The following CA12 variants were observed in gnomAD, a reference collection of about 807,000 sequenced individuals.
CA12 encodes the protein carbonic anhydrase 12.
Under a neutral mutation model 46.8 loss-of-function variants are expected in CA12, and 36 were observed. The ratio of observed to expected loss-of-function variants is 0.77; its 90% CI spans 0.59 to 1.02. The LOEUF (loss-of-function observed/expected upper bound fraction) is 1.02. Among genes scored for constraint, CA12 ranks in the 50% least tolerant of loss-of-function variants. The pLI is 0.00. For missense variants in CA12, 436 were observed against 451.4 expected (o/e 0.97, Z 0.31); for synonymous variants, 202 against 187.0 (o/e 1.08, Z -0.65).
chr15:63,335,196 A>T (rs941030715), intron 8 of CA12, among the ~76,000 whole-genome samples: 1 of 152,160 alleles, frequency 6.6e-6, no homozygotes, highest in Non-Finnish European at 1.5e-5. Context: ...GCTACAACAC[A>T]CAGGACACCC....
Position 63,339,022 on chromosome 15 carries a change from G to C in CA12, c.748-77C>G. 6.4e-7 allele frequency: 1 copy of C among 1,572,890 alleles called. No individual in the cohort carries two copies. Among genetic ancestry groups the C allele is most frequent in the Non-Finnish European group, 8.7e-7 (1 of 1,152,220 alleles). ...TCCCCTGGGAAGAGGCTAGCTCTCCGCTCTTGCACCTGGGAGAAGCCTCTG... is the reference window on the plus strand; with the variant it reads ...TCCCCTGGGAAGAGGCTAGCTCTCCCCTCTTGCACCTGGGAGAAGCCTCTG... On this transcript the variant is annotated intron_variant, in intron 7 of 10. Coordinates refer to ENST00000178638, the MANE Select transcript of CA12 (RefSeq NM_001218.5). This position sits in a 1 kb window ranked among gnomAD's most constrained non-coding sequence, Gnocchi z 4.3.
chr15:63,358,422 G>A (rs1331181945), intron 2 of CA12, among the ~76,000 whole-genome samples: 1 of 152,196 alleles, frequency 6.6e-6, no homozygotes, highest in African/African-American at 2.4e-5. Context: ...GAAACCAGTG[G>A]GAGAGCGAAT....
chr15:63,337,003 C>T (rs975608610), intron 8 of CA12, among the ~76,000 whole-genome samples: 2 of 152,178 alleles, frequency 1.3e-5, no homozygotes, highest in African/African-American at 4.8e-5. Context: ...ACATTCTCCA[C>T]TTAGAAGAAT....
At chr15:63,353,898 T>C (rs1023332554) in intron 2 of CA12, among the ~76,000 whole-genome samples, 7 of 152,204 alleles carry the variant, frequency 4.6e-5, no homozygotes, top group African/African-American at 1.4e-4. Flanking sequence ...GGTCCTGCAG[T>C]TCACTTCTGA....
At chr15:63,351,563 C>T (rs2039232353) in intron 2 of CA12, among the ~76,000 whole-genome samples, 1 of 152,242 alleles carries the variant, frequency 6.6e-6, no homozygotes, top group African/African-American at 2.4e-5. Flanking sequence ...CCCCATGCTT[C>T]AGCCAGCTCC....
chr15:63,374,249 C>T lies in CA12; in HGVS notation c.106+1409G>A, dbSNP rs78880510. 2.9e-3 allele frequency among the ~76,000 whole-genome samples: 436 copies of T among 152,232 alleles called. 3 individuals carry two copies. The highest frequency in any genetic ancestry group is 0.01 in the African/African-American group (424 of 41,538). Reference sequence around the variant, plus strand: ...CCCTTCTCCACATGCTTTCCTCGAACACCACCTTGCTCTTTCTTGCTTCTG... The same window carrying T: ...CCCTTCTCCACATGCTTTCCTCGAATACCACCTTGCTCTTTCTTGCTTCTG... On this transcript the variant is annotated intron_variant, in intron 2 of 10. Transcript: ENST00000178638. The surrounding 1 kb of genome is among the most constrained non-coding windows in gnomAD (Gnocchi z 4.4).
chr15:63,370,008 T>C (rs990113270), intron 2 of CA12, among the ~76,000 whole-genome samples: 5 of 151,974 alleles, frequency 3.3e-5, no homozygotes, highest in Admixed American at 6.6e-5. Context: ...TAACTATGAG[T>C]AGGCGGGCCA....
Position 63,381,830 on chromosome 15 carries a change from G to A in CA12, c.-110C>T, listed in dbSNP as rs1429491812. The A allele has an allele frequency of 4.7e-6, 3 of 633,050 alleles. No individual in the cohort carries two copies. The highest frequency in any genetic ancestry group is 3.9e-5 in the African/African-American group (2 of 50,942). The allele number at this position is 633,050 out of a possible 1,614,324, so 39.2% of individuals were successfully genotyped here. A position where few individuals can be genotyped will look rare whatever the true frequency, so the allele number is the denominator to read the frequency against. On this transcript the variant is annotated 5_prime_UTR_variant, in exon 1 of 11. Coordinates refer to ENST00000178638, the MANE Select transcript of CA12 (RefSeq NM_001218.5). ...GTGCGCGCAGCCTGGGTGCCGTGGC[G>A]AGTACGTCCGCCCTTCGCTCTCCTG...
rs1251337323 is a variant in CA12 at position 63,340,356 on chromosome 15, T to C, written c.679A>G (p.Thr227Ala). The C allele has an allele frequency of 6.2e-7, 1 of 1,614,028 alleles. No homozygotes were observed. The highest frequency in any genetic ancestry group is 1.3e-5 in the African/African-American group (1 of 75,002). ...AGCACAGTGGGGTTGCAAGGGGGTG[T>C]GGTCAGGGACCCCCGGTAGCGGTAA... ...EYYRYRGSLT[T>A]PPCNPTVLWT... Residue 227 changes from threonine (T) to alanine (A), a missense_variant, in exon 7 of 11, where the codon ACA becomes GCA. Thr to Ala is a moderately conservative substitution (Grantham distance 58). Coordinates refer to ENST00000178638, the MANE Select transcript of CA12 (RefSeq NM_001218.5). This position sits in a 1 kb window ranked among gnomAD's most constrained non-coding sequence, Gnocchi z 4.4.
chr15:63,343,757 G>A (rs1200251451), intron 4 of CA12, among the ~76,000 whole-genome samples: 3 of 152,034 alleles, frequency 2.0e-5, no homozygotes, highest in Non-Finnish European at 4.4e-5. Context: ...ACAAGAAGTA[G>A]AAATATTTTA....
chr15:63,356,754 C>T (rs2039301063), intron 2 of CA12, among the ~76,000 whole-genome samples: 1 of 152,118 alleles, frequency 6.6e-6, no homozygotes, highest in African/African-American at 2.4e-5. Flanking sequence ...AGTGATCCAC[C>T]CACCTTGGCC....
rs1014199607 is a variant in CA12 at position 63,374,523 on chromosome 15, A to G, written c.106+1135T>C. Reference sequence around the variant, plus strand: ...ACTATGGACCACAGCCTACCCTTCTATTACCCACCCACTTAGCAATGTGCT... The same window carrying G: ...ACTATGGACCACAGCCTACCCTTCTGTTACCCACCCACTTAGCAATGTGCT... On this transcript the variant is annotated intron_variant, in intron 2 of 10. Transcript: ENST00000178638. This position sits in a 1 kb window ranked among gnomAD's most constrained non-coding sequence, Gnocchi z 4.4. Among the ~76,000 whole-genome samples the G allele has an allele frequency of 6.6e-6, 1 of 152,198 alleles. No individual in the cohort carries two copies. The highest frequency in any genetic ancestry group is 1.5e-5 in the Non-Finnish European group (1 of 68,036).
At chr15:63,338,140 G>T (rs148834922) in intron 8 of CA12, among the ~76,000 whole-genome samples, 6 of 152,306 alleles carry the variant, frequency 3.9e-5, no homozygotes, top group African/African-American at 1.2e-4. Flanking sequence ...GGGAGTTATT[G>T]GTTACAGCTG....
At chr15:63,335,158 C>T (rs2038985605) in intron 8 of CA12, among the ~76,000 whole-genome samples, 1 of 152,202 alleles carries the variant, frequency 6.6e-6, no homozygotes, top group Non-Finnish European at 1.5e-5. Flanking sequence ...CTGGCATCTA[C>T]TGGGTAGAGA....
Position 63,328,201 on chromosome 15 carries a change from G to T in CA12, c.875-71C>A. Reference sequence around the variant, plus strand: ...ACACTGGATTTGAGCAGCGTGTTGAGAGACGCTCTACCATTTGTTTGGTCT... The same window carrying T: ...ACACTGGATTTGAGCAGCGTGTTGATAGACGCTCTACCATTTGTTTGGTCT... On this transcript the variant is annotated intron_variant, in intron 8 of 10. Transcript: ENST00000178638. The surrounding 1 kb of genome is among the most constrained non-coding windows in gnomAD (Gnocchi z 5.9). 7.3e-7 allele frequency: 1 copy of T among 1,364,852 alleles called. No homozygotes were observed. Among genetic ancestry groups the T allele is most frequent in the South Asian group, 1.2e-5 (1 of 85,576 alleles). 84.5% of individuals were successfully genotyped at this position (1,364,852 alleles called of 1,614,324 possible). A position where few individuals can be genotyped will look rare whatever the true frequency, so the allele number is the denominator to read the frequency against.
intron 4 of CA12, among the ~76,000 whole-genome samples, chr15:63,344,003 C>T (rs2039114676): frequency 6.6e-6 from 1 of 152,176 alleles, no homozygotes; most frequent in African/African-American, 2.4e-5. Flanking sequence ...TTGAATTTCA[C>T]CGTGACAATG....
rs1161922346 is a variant in CA12 at position 63,355,135 on chromosome 15, C to T, written c.107-8426G>A. On this transcript the variant is annotated intron_variant, in intron 2 of 10. Coordinates refer to ENST00000178638, the MANE Select transcript of CA12 (RefSeq NM_001218.5). This position sits in a 1 kb window ranked among gnomAD's most constrained non-coding sequence, Gnocchi z 4.1. ...TTCATCGTGGAGAGGCTCTGCCCACCTCTCTCTGGACTTTTCTGTGTCTGC... is the reference window on the plus strand; with the variant it reads ...TTCATCGTGGAGAGGCTCTGCCCACTTCTCTCTGGACTTTTCTGTGTCTGC... Among the ~76,000 whole-genome samples the T allele has an allele frequency of 6.6e-6, 1 of 152,180 alleles. No homozygotes were observed. The highest frequency in any genetic ancestry group is 1.5e-5 in the Non-Finnish European group (1 of 68,026).
Position 63,376,600 on chromosome 15 carries a change from T to TTCTTTCTTTCTCTC in CA12, c.86-923_86-922insGAGAGAAAGAAAGA, listed in dbSNP as rs10623502. Among the ~76,000 whole-genome samples the TTCTTTCTTTCTCTC allele has an allele frequency of 3.2e-4, 43 of 134,210 alleles. 1 individual carries two copies. In the East Asian group the frequency reaches 7.7e-3, roughly 24 times the overall value. The allele number at this position is 134,210 out of a possible 152,430, so 88.0% of individuals were successfully genotyped here. A position where few individuals can be genotyped will look rare whatever the true frequency, so the allele number is the denominator to read the frequency against. ...TTTCTTTCTTTCTTTCTTTCTTTCT[T>TTCTTTCTTTCTCTC]TCTCTCTCTCTCGCTCTCTCTCTTT... is the stretch of plus-strand genomic sequence containing the variant. On this transcript the variant is annotated intron_variant, in intron 1 of 10. Coordinates refer to ENST00000178638, the MANE Select transcript of CA12 (RefSeq NM_001218.5).
chr15:63,351,240 T>A (rs532701615), intron 2 of CA12, among the ~76,000 whole-genome samples: 3 of 152,346 alleles, frequency 2.0e-5, no homozygotes, highest in African/African-American at 7.2e-5. Flanking sequence ...CCTTTGCCCT[T>A]AGTGGGTCAT....
Sources: allele counts gnomAD v4.1 joint callset (sites outside exome capture counted in the v4.1 genomes callset), GRCh38; gene constraint gnomAD v4.1.1; non-coding constraint Gnocchi (gnomAD v3.1); transcripts MANE v1.5; gene names NCBI Gene and HGNC (gene_info 2026-07-23, HGNC 2026-07-21).